ATP10B: variants seen among roughly 807,000 people sequenced by gnomAD.
ATP10B encodes the protein phospholipid-transporting ATPase VB.
ATP10B carries 122 observed loss-of-function variants against 141.2 expected under a neutral mutation model. That is an observed-to-expected ratio of 0.86 (90% CI 0.75 to 1.00). ATP10B has a LOEUF of 1.00. ATP10B is among the 50% of genes least tolerant of loss of function. ATP10B has a pLI of 0.00. For synonymous variants in ATP10B, 685 were observed against 692.0 expected (o/e 0.99, Z 0.16); for missense variants, 1,876 against 1,825.3 (o/e 1.03, Z -0.51).
chr5:160,840,470 T>C (rs1775746056), intron 1 of ATP10B, among the ~76,000 whole-genome samples: 1 of 152,082 alleles, frequency 6.6e-6, no homozygotes, highest in South Asian at 2.1e-4. Flanking sequence ...GATAGTCTTT[T>C]AAATAAATGA....
At chr5:160,882,101 G>A in the ATP10B span, among the ~76,000 whole-genome samples, 1 of 152,236 alleles carries the variant, frequency 6.6e-6, no homozygotes, top group East Asian at 1.9e-4. Flanking sequence ...AGGGGGAGGA[G>A]GAGGCAAGGA....
At chr5:160,909,689 A>T in the ATP10B span, among the ~76,000 whole-genome samples, 1 of 152,242 alleles carries the variant, frequency 6.6e-6, no homozygotes, top group Non-Finnish European at 1.5e-5. Flanking sequence ...TTACTTGAAT[A>T]ACGTAGAATC....
intron 1 of ATP10B, among the ~76,000 whole-genome samples, chr5:160,836,989 G>GT (rs1400039498): frequency 2.0e-5 from 3 of 152,018 alleles, no homozygotes; most frequent in Non-Finnish European, 4.4e-5. Context: ...TTTCTTAAGG[G>GT]TTTTGTATTA....
chr5:160,571,834 C>T (rs139385339), intron 24 of ATP10B, among the ~76,000 whole-genome samples: 202 of 152,264 alleles, frequency 1.3e-3, no homozygotes, highest in African/African-American at 4.6e-3. Flanking sequence ...CACAATTTCC[C>T]CAGGGCAAAT....
intron 1 of ATP10B, among the ~76,000 whole-genome samples, chr5:160,846,664 C>T (rs188700031): frequency 3.0e-4 from 45 of 152,242 alleles, no homozygotes; most frequent in Non-Finnish European, 5.3e-4. Flanking sequence ...GGTACCACCA[C>T]AAAAAATTGC....
intron 6 of ATP10B, among the ~76,000 whole-genome samples, chr5:160,671,444 G>C (rs1229026423): frequency 6.6e-6 from 1 of 152,120 alleles, no homozygotes; most frequent in African/African-American, 2.4e-5. Flanking sequence ...ATTATAAGGA[G>C]AGTGACGATA....
At chr5:160,607,786 A>G (rs1757478548) in intron 18 of ATP10B, among the ~76,000 whole-genome samples, 1 of 152,128 alleles carries the variant, frequency 6.6e-6, no homozygotes, top group Admixed American at 6.5e-5. Context: ...ATATAGTGAG[A>G]AAGTATTTCC....
chr5:160,679,861 T>A (rs936940718), intron 6 of ATP10B, among the ~76,000 whole-genome samples: 9 of 152,130 alleles, frequency 5.9e-5, no homozygotes, highest in African/African-American at 2.2e-4. Flanking sequence ...CAAATAAAAA[T>A]TTACTAAGCT....
At chr5:160,850,180 C>A (rs774050964) in intron 1 of ATP10B, among the ~76,000 whole-genome samples, 2 of 151,884 alleles carry the variant, frequency 1.3e-5, no homozygotes, top group African/African-American at 2.4e-5. Context: ...AGGCTGTGGG[C>A]GGATCACCTG....
intron 7 of ATP10B, among the ~76,000 whole-genome samples, chr5:160,659,267 C>T (rs185904156): frequency 5.9e-5 from 9 of 152,154 alleles, no homozygotes; most frequent in Non-Finnish European, 8.8e-5. Context: ...AGTTTGAGAC[C>T]AGCCTGGCCA....
chr5:160,693,011 C>T (rs934253296), intron 3 of ATP10B: 14 of 152,154 alleles, frequency 9.2e-5, no homozygotes, highest in Non-Finnish European at 2.1e-4. Context: ...GTATTGAGAA[C>T]ATGAGTTACC....
At chr5:160,912,666 G>A in the ATP10B span, among the ~76,000 whole-genome samples, 2 of 143,116 alleles carry the variant, frequency 1.4e-5, no homozygotes, top group African/African-American at 2.6e-5. Flanking sequence ...AAAAAGAGAA[G>A]AAAAGAGGAA....
intron 2 of ATP10B, among the ~76,000 whole-genome samples, chr5:160,753,058 G>A (rs1339732072): frequency 1.3e-5 from 2 of 152,146 alleles, no homozygotes; most frequent in African/African-American, 2.4e-5. Context: ...TCATATAACA[G>A]CCAATTAAAT....
At chr5:160,650,151 CATAT>C (rs1210194291) in intron 7 of ATP10B, among the ~76,000 whole-genome samples, 1,778 of 147,846 alleles carry the variant, frequency 0.012, 53 homozygotes, top group African/African-American at 0.044. Flanking sequence ...CACACACATA[CATAT>C]ATATACATAT....
At position 160,816,731 on chromosome 5, in the gene ATP10B, A is replaced by T. The variant is rs1773665217; in HGVS notation, c.-575-30928T>A. On this transcript the variant is annotated intron_variant, in intron 1 of 25. Transcript: ENST00000327245. ...GAATTTTAGACCAACATCCCTGATA[A>T]ACATCGATGCAAAAATCCTCAATAA... is the stretch of plus-strand genomic sequence containing the variant. Among the ~76,000 whole-genome samples the T allele has an allele frequency of 1.3e-5, 2 of 152,216 alleles. 1 individual carries two copies. Among genetic ancestry groups the T allele is most frequent in the South Asian group, 4.1e-4 (2 of 4,828 alleles).
At chr5:160,889,910 T>C in the ATP10B span, among the ~76,000 whole-genome samples, 1 of 152,174 alleles carries the variant, frequency 6.6e-6, no homozygotes, top group African/African-American at 2.4e-5. Flanking sequence ...TCACACCTCC[T>C]ACCCTGAGGC....
chr5:160,896,082 C>T, the ATP10B span, among the ~76,000 whole-genome samples: 3 of 152,076 alleles, frequency 2.0e-5, no homozygotes, highest in Non-Finnish European at 4.4e-5. Context: ...TAAATGCCCA[C>T]AGGAGAAAGC....
At chr5:160,668,594 G>T (rs992906183) in intron 7 of ATP10B, among the ~76,000 whole-genome samples, 1 of 152,166 alleles carries the variant, frequency 6.6e-6, no homozygotes, top group African/African-American at 2.4e-5. Flanking sequence ...AAAACTCAGA[G>T]ACAGGCCCCT....
intron 24 of ATP10B, among the ~76,000 whole-genome samples, chr5:160,576,317 G>T (rs1755182901): frequency 6.6e-6 from 1 of 152,134 alleles, no homozygotes; most frequent in Non-Finnish European, 1.5e-5. Context: ...GTGAAGCCCA[G>T]AAAAGGACTT....
Sources: allele counts gnomAD v4.1 joint callset (sites outside exome capture counted in the v4.1 genomes callset), GRCh38; gene constraint gnomAD v4.1.1; transcripts MANE v1.5; gene names NCBI Gene and HGNC (gene_info 2026-07-23, HGNC 2026-07-21).